Variants in OSBPL9 observed in about 807,000 individuals in gnomAD.
OSBPL9 encodes oxysterol binding protein like 9.
In OSBPL9, 40 loss-of-function variants were observed where a neutral mutation model predicts 106.6. The observed-to-expected ratio is 0.38, with a 90% CI of 0.29 to 0.49. The LOEUF (loss-of-function observed/expected upper bound fraction) is 0.49, where lower values mean the gene tolerates loss of function less well. OSBPL9 is among the 20% of genes least tolerant of loss of function. The pLI is 0.97. For synonymous variants in OSBPL9, 269 were observed against 295.4 expected (o/e 0.91, Z 0.92); for missense variants, 609 against 887.2 (o/e 0.69, Z 3.98).
rs1671593692 is a variant in OSBPL9, at chr1:51,761,919, A to C, written c.726A>C (p.Gly242=). ...AGCGTCCATCTTCCCTACCAGTTGG[A>C]CCTGTGTTGGCTACCTTGGGACATC... is the stretch of plus-strand genomic sequence containing the variant. The part of the protein sequence containing the change: ...SEQRPSSLPV[G]PVLATLGHHQ... The change falls in exon 11 of 24, where the codon GGA becomes GGC. Residue 242 remains glycine (G), a synonymous_variant. Transcript: ENST00000428468. 7 of 1,613,848 alleles carry C rather than the reference A, an allele frequency of 4.3e-6. No individual in the cohort carries two copies. Among genetic ancestry groups the C allele is most frequent in the Non-Finnish European group, 5.1e-6 (6 of 1,179,802 alleles).
At chr1:51,668,251 T>C (rs1206569995) in intron 2 of OSBPL9, among the ~76,000 whole-genome samples, 2 of 152,192 alleles carry the variant, frequency 1.3e-5, no homozygotes. Flanking sequence ...CATTGAACAA[T>C]AGATTCCCTA....
chr1:51,763,226 G>A (rs558040033), intron 11 of OSBPL9, among the ~76,000 whole-genome samples: 8 of 152,068 alleles, frequency 5.3e-5, no homozygotes, highest in Middle Eastern at 3.4e-3. Context: ...GGCTGGTCTC[G>A]AGCTTCTGAC....
the OSBPL9 span, among the ~76,000 whole-genome samples, chr1:51,530,706 T>C: frequency 1.4e-5 from 2 of 139,946 alleles, no homozygotes; most frequent in Non-Finnish European, 3.1e-5. Context: ...GTAAAAAAAA[T>C]TAAAATTATG....
the OSBPL9 span, among the ~76,000 whole-genome samples, chr1:51,557,485 A>G: frequency 6.6e-6 from 1 of 152,216 alleles, no homozygotes; most frequent in East Asian, 1.9e-4. Context: ...CATTGCCCTT[A>G]CATTAAACTC....
intron 4 of OSBPL9, among the ~76,000 whole-genome samples, chr1:51,734,051 T>A (rs978662836): frequency 1.3e-5 from 2 of 152,210 alleles, no homozygotes; most frequent in Non-Finnish European, 2.9e-5. Flanking sequence ...AAAGACATCC[T>A]TTGAAGATGA....
chr1:51,788,665 A>C lies in OSBPL9; in HGVS notation c.*876A>C, dbSNP rs946091657. On this transcript the variant is annotated 3_prime_UTR_variant, in exon 24 of 24. Transcript: ENST00000428468. The stretch of plus-strand genomic sequence containing the variant: ...AATCTTCACTTAACTCATATTGCAC[A>C]TGTAGGGCTGCCTACCAACATTTTA... Among the ~76,000 whole-genome samples, 4 of 152,164 alleles carry C rather than the reference A, an allele frequency of 2.6e-5. No individual in the cohort carries two copies. Among genetic ancestry groups the C allele is most frequent in the African/African-American group, 9.7e-5 (4 of 41,430 alleles).
chr1:51,663,516 T>A lies in OSBPL9; in HGVS notation c.163-5918T>A, dbSNP rs1439140519. Among the ~76,000 whole-genome samples the A allele has an allele frequency of 2.0e-5, 3 of 152,354 alleles. No homozygotes were observed. In the East Asian group the frequency reaches 5.8e-4, roughly 29 times the overall value. On this transcript the variant is annotated intron_variant, in intron 2 of 23. Coordinates refer to ENST00000428468, the MANE Select transcript of OSBPL9 (RefSeq NM_024586.6). Reference sequence around the variant, plus strand: ...AAAACTTTTTTTAAATTGGAGGATTTACTCCACCTGATATCCAAATGTAAA... The same window carrying A: ...AAAACTTTTTTTAAATTGGAGGATTAACTCCACCTGATATCCAAATGTAAA...
chr1:51,781,900 T>C (rs1176373551), intron 16 of OSBPL9, among the ~76,000 whole-genome samples: 1 of 152,130 alleles, frequency 6.6e-6, no homozygotes, highest in African/African-American at 2.4e-5. Flanking sequence ...TAGAGGTCTG[T>C]GAAGCTGTCA....
chr1:51,578,156 A>G (rs995090504), intron 1 of OSBPL9, among the ~76,000 whole-genome samples: 1 of 152,234 alleles, frequency 6.6e-6, no homozygotes, highest in Non-Finnish European at 1.5e-5. Flanking sequence ...ATGCATGATC[A>G]TGTCTTTTGC....
intron 9 of OSBPL9, among the ~76,000 whole-genome samples, chr1:51,758,383 G>T (rs373160794): frequency 1.3e-5 from 2 of 149,626 alleles, no homozygotes; most frequent in Non-Finnish European, 3.0e-5. Flanking sequence ...GAGCATTTCC[G>T]TATTACACTG....
intron 3 of OSBPL9, among the ~76,000 whole-genome samples, chr1:51,706,290 A>G (rs1571210320): frequency 6.6e-6 from 1 of 152,322 alleles, no homozygotes; most frequent in African/African-American, 2.4e-5. Flanking sequence ...AGCACTATCT[A>G]GGTTTTTAAA....
intron 1 of OSBPL9, among the ~76,000 whole-genome samples, chr1:51,586,185 T>TTAA (rs150098735): frequency 7.9e-5 from 12 of 151,194 alleles, no homozygotes; most frequent in Non-Finnish European, 1.0e-4. Flanking sequence ...AAAAAATAAA[T>TTAA]TAATAATAAT....
At chr1:51,569,819 G>T in the OSBPL9 span, 9 of 152,146 alleles carry the variant, frequency 5.9e-5, no homozygotes, top group African/African-American at 1.4e-4. Flanking sequence ...TCCAGCACTT[G>T]ACCTCACCAA....
intron 2 of OSBPL9, among the ~76,000 whole-genome samples, chr1:51,656,111 CT>C: frequency 6.6e-6 from 1 of 152,206 alleles, no homozygotes; most frequent in Admixed American, 6.5e-5. Context: ...AGAGGGACCA[CT>C]GGTGTAGAAA....
intron 1 of OSBPL9, among the ~76,000 whole-genome samples, chr1:51,650,652 G>A (rs927085956): frequency 7.2e-5 from 11 of 152,012 alleles, no homozygotes; most frequent in African/African-American, 1.4e-4. Flanking sequence ...TGGATGTAGG[G>A]CATCTATAGT....
the OSBPL9 span, among the ~76,000 whole-genome samples, chr1:51,551,915 G>A: frequency 3.3e-5 from 5 of 151,362 alleles, no homozygotes; most frequent in African/African-American, 1.2e-4. Context: ...TCAGATTTCC[G>A]GGATAGTGTT....
chr1:51,766,068 A>T, intron 12 of OSBPL9, 87 bp downstream of exon 12: 3 of 1,278,414 alleles, frequency 2.3e-6, no homozygotes, highest in Non-Finnish European at 3.1e-6. Flanking sequence ...TTAATGACAG[A>T]CTTGCCTCAT....
At chr1:51,595,869 A>T (rs1245665566) in intron 1 of OSBPL9, among the ~76,000 whole-genome samples, 1 of 152,138 alleles carries the variant, frequency 6.6e-6, no homozygotes, top group African/African-American at 2.4e-5. Context: ...TAGCTTCCCA[A>T]GGTCACACAG....
intron 4 of OSBPL9, among the ~76,000 whole-genome samples, chr1:51,731,066 T>G (rs554186714): frequency 2.4e-4 from 37 of 152,238 alleles, no homozygotes; most frequent in East Asian, 7.7e-4. Context: ...CTTTTTTTTT[T>G]TGTGCAGCCC....
Sources: allele counts gnomAD v4.1 joint callset (sites outside exome capture counted in the v4.1 genomes callset), GRCh38; gene constraint gnomAD v4.1.1; transcripts MANE v1.5; gene names NCBI Gene and HGNC (gene_info 2026-07-23, HGNC 2026-07-21).